The following ABLIM1 variants were observed in gnomAD, a reference collection of about 807,000 sequenced individuals.
The protein encoded by ABLIM1 is actin binding LIM protein 1.
A neutral mutation model predicts 107.0 loss-of-function variants in ABLIM1; 40 were observed. The ratio of observed to expected loss-of-function variants is 0.37; its 90% CI spans 0.29 to 0.49. ABLIM1 has a LOEUF of 0.49. Ranked by LOEUF, ABLIM1 falls within the 20% of genes least tolerant of loss-of-function variation. The pLI, the probability that ABLIM1 is intolerant of heterozygous loss-of-function variation, is 0.97. For missense variants in ABLIM1, 857 were observed against 1,008.5 expected (o/e 0.85, Z 2.04); for synonymous variants, 357 against 357.3 (o/e 1.00, Z 0.01).
intron 6 of ABLIM1, among the ~76,000 whole-genome samples, chr10:114,527,659 CTT>C (rs10639922): frequency 2.4e-5 from 3 of 127,268 alleles, no homozygotes; most frequent in Non-Finnish European, 1.6e-5. Context: ...CAACTCTTGT[CTT>C]TTTTTTTTTT....
At position 114,658,076 on chromosome 10, in the gene ABLIM1, C is replaced by T. The variant is rs556140263; in HGVS notation, c.125G>A (p.Arg42Gln). 27 of 1,614,224 alleles carry T rather than the reference C, an allele frequency of 1.7e-5. No individual in the cohort carries two copies. Among genetic ancestry groups the T allele is most frequent in the Admixed American group, 8.3e-5 (5 of 60,020 alleles). ...GGTGAAGGAGGTCCCAGAGACCCTC[C>T]GGTCCTCAACAATCAGTCTCTTTCT... The part of the protein sequence containing the change: ...SNRKRLIVED[R>Q]RVSGTSFTAH... Residue 42 changes from arginine to glutamine, a missense_variant, in exon 1 of 23, where the codon CGG becomes CAG. This residue lies in a region of ABLIM1 where 176 missense variants were observed against 173.5 expected (regional missense o/e 1.01). Transcript: ENST00000533213.
intron 5 of ABLIM1, among the ~76,000 whole-genome samples, chr10:114,546,980 T>C (rs1004276968): frequency 6.6e-6 from 1 of 151,866 alleles, no homozygotes; most frequent in Non-Finnish European, 1.5e-5. Flanking sequence ...TTAGTAGAGA[T>C]GAGGTCTTGC....
chr10:114,718,138 G>T (rs2081746355), intron 1 of ABLIM1, among the ~76,000 whole-genome samples: 1 of 114,278 alleles, frequency 8.8e-6, no homozygotes, highest in Admixed American at 8.2e-5. Context: ...AGAAAAGAAA[G>T]AAAGAAAGAG....
At chr10:114,633,033 G>A (rs1488448484) in intron 1 of ABLIM1, among the ~76,000 whole-genome samples, 1 of 152,102 alleles carries the variant, frequency 6.6e-6, no homozygotes, top group African/African-American at 2.4e-5. Flanking sequence ...CAGCTTACCG[G>A]GTCCCGACCG....
chr10:114,787,722 C>G, the ABLIM1 span, among the ~76,000 whole-genome samples: 339 of 49,106 alleles, frequency 6.9e-3, 29 homozygotes, highest in African/African-American at 0.017. Flanking sequence ...GTCAGCCCCC[C>G]GCCCGGCCAG....
chr10:114,602,017 G>C (rs1171342039), intron 1 of ABLIM1, 56 bp from the exon 2 acceptor site: 15 of 1,603,102 alleles, frequency 9.4e-6, no homozygotes, highest in Non-Finnish European at 1.3e-5. Context: ...TGCAAAAGGG[G>C]TCATCATGGT....
At chr10:114,716,798 T>TATGTATAA (rs142902275) in intron 1 of ABLIM1, among the ~76,000 whole-genome samples, 5,172 of 150,802 alleles carry the variant, frequency 0.034, 298 homozygotes, top group African/African-American at 0.11. Context: ...AGATGCCAAT[T>TATGTATAA]ATGTATAAAT....
chr10:114,499,780 C>T (rs937595518), intron 6 of ABLIM1, among the ~76,000 whole-genome samples: 4 of 152,052 alleles, frequency 2.6e-5, no homozygotes, highest in Admixed American at 6.5e-5. Context: ...GGTGCATGGG[C>T]GGAAGGGAGA....
intron 2 of ABLIM1, among the ~76,000 whole-genome samples, chr10:114,587,392 G>T (rs1204417830): frequency 6.6e-6 from 1 of 152,040 alleles, no homozygotes; most frequent in East Asian, 1.9e-4. Flanking sequence ...TCTATATAAG[G>T]ATTTCTGCTG....
chr10:114,552,587 G>C (rs2068205140), intron 4 of ABLIM1, among the ~76,000 whole-genome samples: 1 of 151,964 alleles, frequency 6.6e-6, no homozygotes, highest in South Asian at 2.1e-4. Flanking sequence ...CAGGGATTTG[G>C]CTACTCACGT....
intron 4 of ABLIM1, among the ~76,000 whole-genome samples, chr10:114,556,496 T>C (rs1052084791): frequency 6.6e-6 from 1 of 152,204 alleles, no homozygotes; most frequent in Admixed American, 6.5e-5. Flanking sequence ...CACTTGCAAC[T>C]GTGTTACTAG....
intron 1 of ABLIM1, among the ~76,000 whole-genome samples, chr10:114,634,631 A>G (rs959704503): frequency 3.9e-5 from 6 of 152,168 alleles, no homozygotes; most frequent in Non-Finnish European, 7.3e-5. Flanking sequence ...TCATTTTCAG[A>G]GAAGCCTTTT....
intron 2 of ABLIM1, among the ~76,000 whole-genome samples, chr10:114,580,306 A>T (rs1324808957): frequency 6.6e-6 from 1 of 151,896 alleles, no homozygotes; most frequent in Non-Finnish European, 1.5e-5. Flanking sequence ...TCCTGGGTGC[A>T]AGAAAACCTC....
chr10:114,585,087 T>C (rs77249723), intron 2 of ABLIM1, among the ~76,000 whole-genome samples: 3,398 of 152,268 alleles, frequency 0.022, 109 homozygotes, highest in African/African-American at 0.069. Context: ...ATTACTTTAA[T>C]ATCAGGCATT....
At chr10:114,501,936 T>C (rs893345129) in intron 6 of ABLIM1, 2 of 152,250 alleles carry the variant, frequency 1.3e-5, no homozygotes, top group Non-Finnish European at 2.9e-5. Flanking sequence ...TCCATCATTA[T>C]AGTATCATAT....
In ABLIM1 at chr10:114,585,581, C is replaced by T. The variant is rs2074093217; in HGVS notation, c.380-9982G>A. ...ATGCTTTCATCAACAGGTTTTCCTG[C>T]TCTACTTTGCCAAATGCTTTGATCT... On this transcript the variant is annotated intron_variant, in intron 2 of 22. Transcript: ENST00000533213. Among the ~76,000 whole-genome samples the T allele has an allele frequency of 2.0e-5, 3 of 152,264 alleles. No homozygotes were observed. In the South Asian group the frequency reaches 6.2e-4, roughly 32 times the overall value.
At chr10:114,582,693 C>A (rs995364064) in intron 2 of ABLIM1, among the ~76,000 whole-genome samples, 11 of 152,026 alleles carry the variant, frequency 7.2e-5, no homozygotes, top group African/African-American at 2.7e-4. Context: ...ATAGAGAACC[C>A]AGAAATAAAG....
chr10:114,551,473 T>C (rs1437560784), intron 4 of ABLIM1, among the ~76,000 whole-genome samples: 4 of 151,992 alleles, frequency 2.6e-5, no homozygotes, highest in African/African-American at 9.7e-5. Flanking sequence ...GGAGTTACAC[T>C]CTATACAAAT....
intron 1 of ABLIM1, among the ~76,000 whole-genome samples, chr10:114,759,250 T>C (rs1296657783): frequency 6.6e-6 from 1 of 152,216 alleles, no homozygotes; most frequent in Non-Finnish European, 1.5e-5. Context: ...ATTAAAATCA[T>C]ACAATATGCT....
Sources: allele counts gnomAD v4.1 joint callset (sites outside exome capture counted in the v4.1 genomes callset), GRCh38; gene constraint gnomAD v4.1.1; regional missense constraint gnomAD v4.1.1; transcripts MANE v1.5; gene names NCBI Gene and HGNC (gene_info 2026-07-23, HGNC 2026-07-21).